Variants in PDE6D observed in about 807,000 individuals in gnomAD.
PDE6D encodes the protein retinal rod rhodopsin-sensitive cGMP 3',5'-cyclic phosphodiesterase subunit delta.
Under a neutral mutation model 21.9 loss-of-function variants are expected in PDE6D, and 10 were observed. The ratio of observed to expected loss-of-function variants is 0.46; its 90% CI spans 0.28 to 0.78. The LOEUF is 0.78. Ranked by LOEUF, PDE6D falls within the 30% of genes least tolerant of loss-of-function variation. The probability of loss-of-function intolerance (pLI) is 0.12; values close to 1 mark genes in which losing one functional copy is unlikely to be tolerated. For synonymous variants in PDE6D, 59 were observed against 63.5 expected, an observed-to-expected ratio of 0.93 and a Z score of 0.34; for missense variants, 139 against 184.8, an observed-to-expected ratio of 0.75 and a Z score of 1.44.
intron 1 of PDE6D, among the ~76,000 whole-genome samples, chr2:231,748,406 C>T (rs942766311): frequency 6.6e-6 from 1 of 152,104 alleles, no homozygotes; most frequent in Non-Finnish European, 1.5e-5. Flanking sequence ...TTTAGGGTAT[C>T]TGGTGGAAGA....
At position 231,732,767 on chromosome 2, in the gene PDE6D, G is replaced by C. The variant is rs1481237694; in HGVS notation, c.*185C>G. 3.6e-6 allele frequency: 2 copies of C among 554,406 alleles called. No individual in the cohort carries two copies. The allele number at this position is 554,406 out of a possible 1,614,324, so 34.3% of individuals were successfully genotyped here. A position where few individuals can be genotyped will look rare whatever the true frequency, so the allele number is the denominator to read the frequency against. On this transcript the variant is annotated 3_prime_UTR_variant, in exon 5 of 5. Transcript: ENST00000287600. Reference sequence around the variant, plus strand: ...TAGTCTGGTCAGCTGGAAGATGGTGGCTTGGGAAAAAGAGCCATCTGGTTA... The same window carrying C: ...TAGTCTGGTCAGCTGGAAGATGGTGCCTTGGGAAAAAGAGCCATCTGGTTA...
At chr2:231,737,972 C>T (rs74905712) in intron 3 of PDE6D, 41 bp downstream of exon 3, 23,127 of 1,577,990 alleles carry the variant, frequency 0.015, 257 homozygotes, top group Non-Finnish European at 0.016. Flanking sequence ...TTGTCCTGGT[C>T]GCCCTAAGCC....
chr2:231,776,746 C>T (rs759253773), intron 1 of PDE6D, among the ~76,000 whole-genome samples: 11 of 152,106 alleles, frequency 7.2e-5, no homozygotes, highest in South Asian at 2.1e-4. Flanking sequence ...AAATGGGAAA[C>T]GTGGGATTTA....
At chr2:231,738,653 C>T (rs996676164) in intron 2 of PDE6D, among the ~76,000 whole-genome samples, 2 of 152,122 alleles carry the variant, frequency 1.3e-5, no homozygotes, top group Admixed American at 6.5e-5. Flanking sequence ...TGGTGGCTCA[C>T]ACCTGTAATC....
intron 3 of PDE6D, 46 bp downstream of exon 3, chr2:231,737,967 C>T (rs1162715421): frequency 6.4e-7 from 1 of 1,574,168 alleles, no homozygotes; most frequent in South Asian, 1.2e-5. Context: ...GCCTTTTGTC[C>T]TGGTCGCCCT....
intron 4 of PDE6D, 38 bp downstream of exon 4, chr2:231,737,149 A>G: frequency 8.0e-7 from 1 of 1,247,054 alleles, no homozygotes; most frequent in Non-Finnish European, 1.2e-6. Context: ...GCCTGTTTCT[A>G]GACACACTTC....
intron 1 of PDE6D, among the ~76,000 whole-genome samples, chr2:231,750,248 C>T (rs1338529248): frequency 6.6e-6 from 1 of 152,090 alleles, no homozygotes; most frequent in Non-Finnish European, 1.5e-5. Context: ...CCAATTAAAC[C>T]TTTTTCCCCC....
At chr2:231,743,230 C>G (rs2048764373) in intron 1 of PDE6D, among the ~76,000 whole-genome samples, 1 of 151,964 alleles carries the variant, frequency 6.6e-6, no homozygotes, top group Non-Finnish European at 1.5e-5. Flanking sequence ...TCAAGACCAT[C>G]TTGGCCAACA....
intron 1 of PDE6D, among the ~76,000 whole-genome samples, chr2:231,742,135 T>C (rs2048754590): frequency 6.6e-6 from 1 of 152,134 alleles, no homozygotes; most frequent in Admixed American, 6.5e-5. Context: ...TTTTTGTTTT[T>C]TTTTTGAGAT....
intron 1 of PDE6D, among the ~76,000 whole-genome samples, chr2:231,742,053 AG>A (rs1298101797): frequency 6.6e-6 from 1 of 152,192 alleles, no homozygotes; most frequent in African/African-American, 2.4e-5. Context: ...GATTGAAAAT[AG>A]TTTTCTCTGG....
chr2:231,773,063 C>T (rs1321585209), intron 1 of PDE6D, among the ~76,000 whole-genome samples: 1 of 152,038 alleles, frequency 6.6e-6, no homozygotes, highest in Non-Finnish European at 1.5e-5. Flanking sequence ...CATAGTGAAA[C>T]CGTTTCTCTA....
chr2:231,780,669 T>C (rs896407523), intron 1 of PDE6D, among the ~76,000 whole-genome samples: 3 of 151,902 alleles, frequency 2.0e-5, no homozygotes, highest in African/African-American at 7.3e-5. Context: ...CTTCTAGGCT[T>C]CGAGATCAGC....
intron 1 of PDE6D, among the ~76,000 whole-genome samples, chr2:231,747,827 G>GT (rs1024694856): frequency 6.6e-6 from 1 of 152,184 alleles, no homozygotes; most frequent in Non-Finnish European, 1.5e-5. Flanking sequence ...AGGTCCTGGT[G>GT]TCAGTGGCAC....
intron 1 of PDE6D, among the ~76,000 whole-genome samples, chr2:231,766,902 C>T (rs555057725): frequency 5.6e-5 from 8 of 143,126 alleles, no homozygotes; most frequent in South Asian, 2.3e-4. Flanking sequence ...TGAGGCTACT[C>T]GGGATGGCTG....
At chr2:231,779,419 T>A (rs2049083645) in intron 1 of PDE6D, 1 of 152,254 alleles carries the variant, frequency 6.6e-6, no homozygotes, top group East Asian at 1.9e-4. Context: ...AGGCCTTTCT[T>A]CTTTTCAGCA....
intron 1 of PDE6D, 60 bp downstream of exon 1, chr2:231,781,005 T>G: frequency 6.9e-7 from 1 of 1,454,768 alleles, no homozygotes; most frequent in Non-Finnish European, 9.6e-7. Context: ...CCGGCCAGTC[T>G]CCTCAGTGAG....
chr2:231,761,179 C>A (rs578135339), intron 1 of PDE6D, among the ~76,000 whole-genome samples: 1 of 147,668 alleles, frequency 6.8e-6, no homozygotes, highest in East Asian at 2.0e-4. Flanking sequence ...ATCAATAATT[C>A]TTTTTTTTTT....
chr2:231,747,258 T>G (rs2048801505), intron 1 of PDE6D, among the ~76,000 whole-genome samples: 1 of 152,108 alleles, frequency 6.6e-6, no homozygotes, highest in Non-Finnish European at 1.5e-5. Flanking sequence ...ACCTGGCTAA[T>G]TTTTGTATTT....
In PDE6D at chr2:231,732,783, C is replaced by G. The variant is rs2048662014; in HGVS notation, c.*169G>C. 3.5e-6 allele frequency: 2 copies of G among 578,716 alleles called. No homozygotes were observed. The highest frequency in any genetic ancestry group is 3.7e-5 in the African/African-American group (2 of 53,392). The allele number at this position is 578,716 out of a possible 1,614,324, so 35.8% of individuals were successfully genotyped here. On this transcript the variant is annotated 3_prime_UTR_variant, in exon 5 of 5. Transcript: ENST00000287600. The stretch of plus-strand genomic sequence containing the variant: ...AAGATGGTGGCTTGGGAAAAAGAGC[C>G]ATCTGGTTACCTACACAGAGCTGGT...
Sources: gnomAD v4.1 joint callset for allele counts (sites outside exome capture counted in the v4.1 genomes callset) on GRCh38, gnomAD v4.1.1 for gene constraint, MANE v1.5 for transcripts, NCBI Gene and HGNC (gene_info 2026-07-23, HGNC 2026-07-21) for gene names.